SYN3: variants seen among roughly 807,000 people sequenced by gnomAD.
SYN3 encodes synapsin III, also known as synapsin-3.
A neutral mutation model predicts 65.8 loss-of-function variants in SYN3; 35 were observed. That is an observed-to-expected ratio of 0.53 (90% CI 0.41 to 0.70). The LOEUF (loss-of-function observed/expected upper bound fraction) is 0.70, where lower values mean the gene tolerates loss of function less well. Ranked by LOEUF, SYN3 falls within the 30% of genes least tolerant of loss-of-function variation. The probability of loss-of-function intolerance (pLI) is 0.00; values close to 1 mark genes in which losing one functional copy is unlikely to be tolerated. For missense variants in SYN3, 680 were observed against 749.0 expected (o/e 0.91, Z 1.08); for synonymous variants, 270 against 292.9 (o/e 0.92, Z 0.80).
rs370498490 is a variant in SYN3 at position 32,840,634 on chromosome 22, C to T, written c.711+24281G>A. Among the ~76,000 whole-genome samples the T allele has an allele frequency of 3.1e-4, 47 of 152,176 alleles. No individual in the cohort carries two copies. In the East Asian group the frequency reaches 8.0e-3, roughly 26 times the overall value. On this transcript the variant is annotated intron_variant, in intron 6 of 13. Coordinates refer to ENST00000358763, the MANE Select transcript of SYN3 (RefSeq NM_003490.4). ...CCTCACTTCCAGCTGCTCTCCTTACCGCCGCCCCCTCCGCCCCCCACCCAG... is the reference window on the plus strand; with the variant it reads ...CCTCACTTCCAGCTGCTCTCCTTACTGCCGCCCCCTCCGCCCCCCACCCAG...
intron 6 of SYN3, among the ~76,000 whole-genome samples, chr22:32,626,732 C>T (rs968708673): frequency 7.2e-5 from 11 of 152,116 alleles, no homozygotes; most frequent in Non-Finnish European, 1.6e-4. Context: ...CCAGTTTAAC[C>T]CCCTTATGTT....
At chr22:32,716,797 A>G (rs568087982) in intron 6 of SYN3, among the ~76,000 whole-genome samples, 1 of 152,296 alleles carries the variant, frequency 6.6e-6, no homozygotes, top group South Asian at 2.1e-4. Context: ...GGCTGGGATT[A>G]CAGGTGTGAG....
At chr22:32,634,313 G>A (rs936987623) in intron 6 of SYN3, among the ~76,000 whole-genome samples, 1 of 152,086 alleles carries the variant, frequency 6.6e-6, no homozygotes, top group African/African-American at 2.4e-5. Context: ...TCTATGTTCC[G>A]AACCACTAGA....
chr22:32,902,053 G>A (rs917122002), intron 4 of SYN3, among the ~76,000 whole-genome samples: 3 of 151,874 alleles, frequency 2.0e-5, no homozygotes, highest in Non-Finnish European at 4.4e-5. Context: ...TTGGGCACAT[G>A]AGAATGGAAC....
At chr22:32,661,424 C>T (rs374037389) in intron 6 of SYN3, among the ~76,000 whole-genome samples, 2 of 152,264 alleles carry the variant, frequency 1.3e-5, no homozygotes, top group Non-Finnish European at 2.9e-5. Context: ...CCTGGCGGCC[C>T]GCCGTGACTC....
At position 33,006,720 on chromosome 22, in the gene SYN3, G is replaced by C. The variant is rs2053209588; in HGVS notation, c.-58C>G. Reference sequence around the variant, plus strand: ...CCCAGACGTGTGTAGGTGAGGCCCAGAAGACAGGCTGCTGCCAGGTACAGG... The same window carrying C: ...CCCAGACGTGTGTAGGTGAGGCCCACAAGACAGGCTGCTGCCAGGTACAGG... On this transcript the variant is annotated 5_prime_UTR_variant, in exon 2 of 14. Coordinates refer to ENST00000358763, the MANE Select transcript of SYN3 (RefSeq NM_003490.4). The C allele has an allele frequency of 1.3e-6, 2 of 1,498,796 alleles. No homozygotes were observed. Among genetic ancestry groups the C allele is most frequent in the Non-Finnish European group, 9.0e-7 (1 of 1,117,016 alleles). The allele number at this position is 1,498,796 out of a possible 1,614,324, so 92.8% of individuals were successfully genotyped here.
At chr22:32,868,723 T>A (rs1351644702) in intron 5 of SYN3, among the ~76,000 whole-genome samples, 1 of 152,076 alleles carries the variant, frequency 6.6e-6, no homozygotes, top group African/African-American at 2.4e-5. Context: ...AGTGCTGGGA[T>A]TACAGGCATA....
chr22:32,882,068 A>G (rs1601613873), intron 4 of SYN3, among the ~76,000 whole-genome samples: 1 of 134,420 alleles, frequency 7.4e-6, no homozygotes, highest in East Asian at 2.1e-4. Context: ...AAAAAAAAAA[A>G]GGAACCTCGA....
intron 3 of SYN3, among the ~76,000 whole-genome samples, chr22:32,971,059 T>C (rs2052004853): frequency 6.6e-6 from 1 of 152,236 alleles, no homozygotes; most frequent in African/African-American, 2.4e-5. Context: ...AATGAGTTAC[T>C]GCATGGAAAA....
At chr22:33,006,326 G>T (rs1431860617) in intron 2 of SYN3, 26 bp downstream of exon 2, 1 of 1,575,550 alleles carries the variant, frequency 6.3e-7, no homozygotes, top group South Asian at 1.2e-5. Flanking sequence ...CCCAGAAGGT[G>T]GTAGCACTTG....
At chr22:32,951,678 AC>A (rs1392716001) in intron 3 of SYN3, among the ~76,000 whole-genome samples, 4 of 152,152 alleles carry the variant, frequency 2.6e-5, no homozygotes, top group African/African-American at 9.7e-5. Context: ...GTCAGCTGGG[AC>A]CCATACCCAG....
At chr22:32,848,853 C>G (rs956035380) in intron 6 of SYN3, among the ~76,000 whole-genome samples, 1 of 151,518 alleles carries the variant, frequency 6.6e-6, no homozygotes, top group Non-Finnish European at 1.5e-5. Flanking sequence ...CTTCTTCTAA[C>G]CACATCCCCA....
intron 2 of SYN3, among the ~76,000 whole-genome samples, chr22:32,983,420 C>T (rs773730323): frequency 9.2e-5 from 14 of 152,072 alleles, no homozygotes; most frequent in Non-Finnish European, 1.8e-4. Flanking sequence ...AATTCACTAA[C>T]TGCTTCAGCC....
At chr22:32,680,824 CTT>C (rs2060512591) in intron 6 of SYN3, among the ~76,000 whole-genome samples, 1 of 152,228 alleles carries the variant, frequency 6.6e-6, no homozygotes, top group Non-Finnish European at 1.5e-5. Flanking sequence ...TTTCCTCTCT[CTT>C]GAGGTTCCTT....
intron 1 of SYN3, chr22:33,015,053 T>A: frequency 1.7e-5 from 3 of 177,136 alleles, no homozygotes. Flanking sequence ...ACCCCGTCTC[T>A]ACTAAAAGTA....
intron 3 of SYN3, among the ~76,000 whole-genome samples, chr22:32,965,135 A>G (rs2051788128): frequency 6.6e-6 from 1 of 152,070 alleles, no homozygotes; most frequent in Non-Finnish European, 1.5e-5. Context: ...TTCCATCAGT[A>G]CTCTGTGGGG....
At chr22:32,616,746 G>C (rs2059526177) in intron 6 of SYN3, among the ~76,000 whole-genome samples, 1 of 152,140 alleles carries the variant, frequency 6.6e-6, no homozygotes, top group African/African-American at 2.4e-5. Flanking sequence ...CAACATTCAG[G>C]AGAATTACGA....
At position 32,703,733 on chromosome 22, in the gene SYN3, G is replaced by A. The variant is rs868207182; in HGVS notation, c.712-106997C>T. ...AGAAAACTGATGGCAAAAGTCTTGA[G>A]GTGCTTTTCATAATGTCCTTAAATG... is the stretch of plus-strand genomic sequence containing the variant. On this transcript the variant is annotated intron_variant, in intron 6 of 13. Transcript: ENST00000358763. Among the ~76,000 whole-genome samples the A allele has an allele frequency of 1.3e-5, 2 of 151,934 alleles. 1 individual carries two copies. Among genetic ancestry groups the A allele is most frequent in the African/African-American group, 4.8e-5 (2 of 41,408 alleles).
intron 6 of SYN3, among the ~76,000 whole-genome samples, chr22:32,672,479 C>T (rs928503909): frequency 2.6e-5 from 4 of 152,174 alleles, no homozygotes; most frequent in East Asian, 1.9e-4. Context: ...GAAGTCTCAG[C>T]GCTAAGTCTG....
Sources: gnomAD v4.1 joint callset for allele counts (sites outside exome capture counted in the v4.1 genomes callset) on GRCh38, gnomAD v4.1.1 for gene constraint, MANE v1.5 for transcripts, NCBI Gene and HGNC (gene_info 2026-07-23, HGNC 2026-07-21) for gene names.